SPINK5: variants seen among roughly 807,000 people sequenced by gnomAD.
The protein encoded by SPINK5 is serine protease inhibitor Kazal-type 5.
SPINK5 carries 125 observed loss-of-function variants against 151.8 expected under a neutral mutation model. That is an observed-to-expected ratio of 0.82 (90% CI 0.71 to 0.96). The LOEUF (loss-of-function observed/expected upper bound fraction) is 0.96. Ranked by LOEUF, SPINK5 falls within the 40% of genes least tolerant of loss-of-function variation. The probability of loss-of-function intolerance (pLI) is 0.00; values close to 1 mark genes in which losing one functional copy is unlikely to be tolerated. For missense variants in SPINK5, 1,194 were observed against 1,291.9 expected (o/e 0.92, Z 1.16); for synonymous variants, 374 against 395.3 (o/e 0.95, Z 0.64).
At chr5:148,096,857 C>G (rs1017875442) in intron 10 of SPINK5, among the ~76,000 whole-genome samples, 2 of 151,116 alleles carry the variant, frequency 1.3e-5, no homozygotes, top group African/African-American at 4.9e-5. Context: ...TTCCCACTCT[C>G]AAGCTATCCT....
intron 31 of SPINK5, 115 bp from the exon 32 acceptor site, chr5:148,133,682 C>T: frequency 2.2e-6 from 2 of 917,978 alleles, no homozygotes; most frequent in East Asian, 2.6e-5. Context: ...CCCAGATCCT[C>T]CCTCTAAATA....
Position 148,099,274 on chromosome 5 carries a change from G to A in SPINK5, c.1051G>A (p.Ala351Thr). The change falls in exon 12 of 33, where the codon GCT (alanine) becomes ACT (threonine). Residue 351 changes from alanine to threonine, a missense_variant. Physicochemically the swap from Ala to Thr is moderately conservative, Grantham distance 58. Transcript: ENST00000256084. ...NEEKKKAEAR[A>T]RNKRESGKAT... ...AGAAAAGAAAAAGGCTGAAGCACGA[G>A]CTAGAAACAAAAGAGAATCTGGAAA... 1 of 1,612,356 alleles carries A rather than the reference G, an allele frequency of 6.2e-7. No individual in the cohort carries two copies. The highest frequency in any genetic ancestry group is 1.1e-5 in the South Asian group (1 of 90,924).
chr5:148,133,289 G>C lies in SPINK5; in HGVS notation c.3096-508G>C, dbSNP rs540376867. Among the ~76,000 whole-genome samples the C allele has an allele frequency of 5.9e-5, 9 of 152,308 alleles. No individual in the cohort carries two copies. In the South Asian group the frequency reaches 1.9e-3, roughly 32 times the overall value. On this transcript the variant is annotated intron_variant, in intron 31 of 32. Transcript: ENST00000256084. Reference sequence around the variant, plus strand: ...AAATTGCACTGCCTTGATAGATAATGAGTTTCCCATTACCAGAGGCAAACA... The same window carrying C: ...AAATTGCACTGCCTTGATAGATAATCAGTTTCCCATTACCAGAGGCAAACA...
At position 148,095,939 on chromosome 5, in the gene SPINK5, TGTG is replaced by T. The variant is rs368724574; in HGVS notation, c.882+35_882+37del. Reference sequence around the variant, plus strand: ...CAGTTTGATCAATCTAGTTACAACTTGTGTGTGTGTGGGGGGGTGCGTGTGTGA... The same window carrying T: ...CAGTTTGATCAATCTAGTTACAACTTTGTGTGTGGGGGGGTGCGTGTGTGA... On this transcript the variant is annotated intron_variant, in intron 10 of 32. Coordinates refer to ENST00000256084, the MANE Select transcript of SPINK5 (RefSeq NM_006846.4). The T allele has an allele frequency of 6.3e-5, 93 of 1,485,414 alleles. No individual in the cohort carries two copies. In the African/African-American group the frequency reaches 9.4e-4, roughly 15 times the overall value. The allele number at this position is 1,485,414 out of a possible 1,614,324, so 92.0% of individuals were successfully genotyped here.
intron 9 of SPINK5, among the ~76,000 whole-genome samples, chr5:148,094,682 A>G (rs1753409687): frequency 6.6e-6 from 1 of 151,882 alleles, no homozygotes; most frequent in Non-Finnish European, 1.5e-5. Context: ...AATGGATTCC[A>G]TTTTCCAGTT....
chr5:148,068,554 C>CAAAAAAAA (rs1166912306), intron 2 of SPINK5, among the ~76,000 whole-genome samples: 166 of 89,132 alleles, frequency 1.9e-3, no homozygotes, highest in Non-Finnish European at 3.0e-3. Flanking sequence ...CCTGCCTCTC[C>CAAAAAAAA]AAAAAAAAAA....
chr5:148,102,848 GA>G (rs1466723739), intron 15 of SPINK5, among the ~76,000 whole-genome samples: 1 of 152,068 alleles, frequency 6.6e-6, no homozygotes, highest in Non-Finnish European at 1.5e-5. Context: ...TAATAAAGCA[GA>G]AAAAGACAAG....
chr5:148,126,742 C>T (rs1014858039), intron 29 of SPINK5, among the ~76,000 whole-genome samples: 1 of 152,048 alleles, frequency 6.6e-6, no homozygotes, highest in Non-Finnish European at 1.5e-5. Flanking sequence ...TAGGTGTGCA[C>T]CACCATGCCC....
Position 148,086,436 on chromosome 5 carries a change from G to C in SPINK5, c.314G>C (p.Arg105Thr). The change falls in exon 5 of 33, where the codon AGA becomes ACA. Residue 105 changes from arginine to threonine, a missense_variant. Physicochemically the swap from Arg to Thr is moderately conservative, Grantham distance 71 (BLOSUM62 -1). Coordinates refer to ENST00000256084, the MANE Select transcript of SPINK5 (RefSeq NM_006846.4). ...TGTGATGATTTTAAAAAAGGAGAAA[G>C]AGATGGGGATTTTATCTGTCCTGAT... The part of the protein sequence containing the change: ...LNCDDFKKGE[R>T]DGDFICPDYY... 1 of 1,611,642 alleles carries C rather than the reference G, an allele frequency of 6.2e-7. No homozygotes were observed.
intron 4 of SPINK5, 132 bp downstream of exon 4, chr5:148,072,352 G>A: frequency 1.1e-6 from 1 of 911,358 alleles, no homozygotes; most frequent in East Asian, 2.7e-5. Context: ...GGGAACATGG[G>A]TTAGTCCAGG....
chr5:148,120,445 A>G, intron 26 of SPINK5, 54 bp downstream of exon 26: 2 of 1,544,216 alleles, frequency 1.3e-6, no homozygotes, highest in Non-Finnish European at 1.8e-6. Flanking sequence ...ATTGTATGGT[A>G]TATTTATTCA....
At chr5:148,125,885 C>G (rs1404395847) in intron 29 of SPINK5, 35 bp downstream of exon 29, 12 of 1,613,900 alleles carry the variant, frequency 7.4e-6, no homozygotes, top group Non-Finnish European at 1.0e-5. Flanking sequence ...CTGTAGCTAG[C>G]AGGGGAACTG....
intron 7 of SPINK5, among the ~76,000 whole-genome samples, chr5:148,090,295 A>C (rs1753275118): frequency 6.6e-6 from 1 of 151,874 alleles, no homozygotes; most frequent in Non-Finnish European, 1.5e-5. Context: ...ACAGAGATTT[A>C]ACTGATTAGC....
At chr5:148,088,901 T>G (rs1753232564) in intron 6 of SPINK5, 1 of 462,808 alleles carries the variant, frequency 2.2e-6, no homozygotes, top group African/African-American at 2.0e-5. Context: ...GCACAACACT[T>G]CAGTCACTTA....
Position 148,137,112 on chromosome 5 carries a change from A to G in SPINK5, c.*121A>G, listed in dbSNP as rs1754715167. ...TGTCTTATTTGCTATAGAAAACAAT[A>G]CAGAGCTTTTGGGAATGGACTCACT... On this transcript the variant is annotated 3_prime_UTR_variant, in exon 33 of 33. Transcript: ENST00000256084. The G allele has an allele frequency of 5.9e-6, 8 of 1,356,646 alleles. No individual in the cohort carries two copies. Among genetic ancestry groups the G allele is most frequent in the Admixed American group, 1.7e-5 (1 of 58,940 alleles). 84.0% of individuals were successfully genotyped at this position (1,356,646 alleles called of 1,614,324 possible). A position where few individuals can be genotyped will look rare whatever the true frequency, so the allele number is the denominator to read the frequency against.
chr5:148,099,187 C>G (rs765633820), intron 11 of SPINK5, 47 bp from the exon 12 acceptor site: 3 of 1,523,356 alleles, frequency 2.0e-6, no homozygotes, highest in East Asian at 4.6e-5. Context: ...GAAATCATGG[C>G]ATGTGTTTGT....
intron 2 of SPINK5, chr5:148,065,604 G>A: frequency 2.0e-6 from 1 of 512,392 alleles, no homozygotes; most frequent in South Asian, 3.1e-5. Flanking sequence ...ATGTCTGCAA[G>A]AGGCAATTTA....
Position 148,112,867 on chromosome 5 carries a change from G to A in SPINK5, c.1821-1G>A. 6.2e-7 allele frequency: 1 copy of A among 1,613,730 alleles called. No individual in the cohort carries two copies. The highest frequency in any genetic ancestry group is 8.5e-7 in the Non-Finnish European group (1 of 1,179,844). On this transcript the variant is annotated splice_acceptor_variant, in intron 19 of 32. Coordinates refer to ENST00000256084, the MANE Select transcript of SPINK5 (RefSeq NM_006846.4). LOFTEE classifies it high-confidence loss of function. ...TTGTTTTGTCCTCCCTTTTCTTATA[G>A]CCAGCAAGAAGCAAAAGAAAAAGAA...
chr5:148,136,926 C>T, intron 32 of SPINK5, 57 bp from the exon 33 acceptor site: 3 of 1,604,686 alleles, frequency 1.9e-6, no homozygotes, highest in Non-Finnish European at 2.6e-6. Flanking sequence ...ATATACAGCC[C>T]ACATTTCTGC....
Sources: allele counts gnomAD v4.1 joint callset (sites outside exome capture counted in the v4.1 genomes callset), GRCh38; gene constraint gnomAD v4.1.1; transcripts MANE v1.5; gene names NCBI Gene and HGNC (gene_info 2026-07-23, HGNC 2026-07-21).